The following AP3S1 variants were observed in gnomAD, a reference collection of about 807,000 sequenced individuals.
AP3S1 encodes adaptor related protein complex 3 subunit sigma 1.
In AP3S1, 12 loss-of-function variants were observed where a neutral mutation model predicts 21.3. That is an observed-to-expected ratio of 0.56 (90% CI 0.36 to 0.91). AP3S1 has a LOEUF of 0.91. AP3S1 is among the 40% of genes least tolerant of loss of function. AP3S1 has a pLI of 0.01. For missense variants in AP3S1, 116 were observed against 225.0 expected (o/e 0.52, Z 3.10); for synonymous variants, 48 against 78.4 (o/e 0.61, Z 2.05).
At chr5:115,879,805 T>C (rs888101729) in intron 3 of AP3S1, among the ~76,000 whole-genome samples, 4 of 152,176 alleles carry the variant, frequency 2.6e-5, no homozygotes, top group Non-Finnish European at 5.9e-5. Flanking sequence ...GTGCCTCTGG[T>C]AGAATTCGGC....
intron 5 of AP3S1, among the ~76,000 whole-genome samples, chr5:115,905,117 C>CA (rs530871152): frequency 2.0e-5 from 3 of 151,874 alleles, no homozygotes; most frequent in South Asian, 2.1e-4. Context: ...TGATTTTTCA[C>CA]AAAAAAAAGT....
intron 1 of AP3S1, among the ~76,000 whole-genome samples, chr5:115,857,867 G>A (rs562423846): frequency 1.3e-5 from 2 of 152,324 alleles, no homozygotes; most frequent in Admixed American, 1.3e-4. Flanking sequence ...CTTCAGCTGA[G>A]CCATGTTGTA....
Position 115,911,334 on chromosome 5 carries a change from A to AAC in AP3S1, c.454-2013_454-2012dup, listed in dbSNP as rs375213578. Among the ~76,000 whole-genome samples, 1,311 of 150,770 alleles carry AAC rather than the reference A, an allele frequency of 8.7e-3. 4 individuals are homozygous for AAC. The highest frequency in any genetic ancestry group is 0.013 in the African/African-American group (526 of 41,260). On this transcript the variant is annotated intron_variant, in intron 5 of 5. Transcript: ENST00000316788. ...TAGTGTCCAATAAAATACACAGATAAACACACACACACACACGCACAATTT... is the reference window on the plus strand; with the variant it reads ...TAGTGTCCAATAAAATACACAGATAAACACACACACACACACACGCACAATTT...
chr5:115,856,994 G>A (rs932428941), intron 1 of AP3S1, among the ~76,000 whole-genome samples: 1 of 152,054 alleles, frequency 6.6e-6, no homozygotes, highest in Admixed American at 6.5e-5. Flanking sequence ...CCAGCCGCTG[G>A]TAACCACCGC....
At chr5:115,848,592 C>A (rs918315243) in intron 1 of AP3S1, among the ~76,000 whole-genome samples, 2 of 152,150 alleles carry the variant, frequency 1.3e-5, no homozygotes, top group African/African-American at 4.8e-5. Context: ...GAAAGGAAAT[C>A]TTTGCTAATT....
chr5:115,872,558 G>A (rs1367761536), intron 3 of AP3S1, among the ~76,000 whole-genome samples: 1 of 152,068 alleles, frequency 6.6e-6, no homozygotes, highest in Non-Finnish European at 1.5e-5. Flanking sequence ...AATATTTAAA[G>A]CTCTAAGTGG....
chr5:115,904,073 A>G (rs969608622), intron 5 of AP3S1: 3 of 151,894 alleles, frequency 2.0e-5, no homozygotes, highest in African/African-American at 4.8e-5. Flanking sequence ...GTAAAACTTC[A>G]TCTCAAAAAA....
Position 115,874,767 on chromosome 5 carries a change from AT to A in AP3S1, c.273+4649del, listed in dbSNP as rs540229687. Among the ~76,000 whole-genome samples, 457 of 150,472 alleles carry A rather than the reference AT, an allele frequency of 3.0e-3. 2 individuals are homozygous for A. The highest frequency in any genetic ancestry group is 4.3e-3 in the Non-Finnish European group (290 of 67,470). On this transcript the variant is annotated intron_variant, in intron 3 of 5. Transcript: ENST00000316788. ...AGTTATTTATTCTTTATAGACCTTA[AT>A]TTTTTTTTTAACTTTACATGCTTGT...
At position 115,902,922 on chromosome 5, in the gene AP3S1, TG is replaced by T; in HGVS notation, c.385del (p.Val129TyrfsTer6). 1 of 1,613,600 alleles carries T rather than the reference TG, an allele frequency of 6.2e-7. No homozygotes were observed. Among genetic ancestry groups the T allele is most frequent in the Non-Finnish European group, 8.5e-7 (1 of 1,179,890 alleles). On this transcript the variant is annotated frameshift_variant, in exon 5 of 6. Transcript: ENST00000316788. LOFTEE classifies it high-confidence loss of function. ...CTTGCAGAAATGGTGATGGGGGGAATGGTATTGGAGACAAATATGAATGAGA... is the reference window on the plus strand; with the variant it reads ...CTTGCAGAAATGGTGATGGGGGGAATGTATTGGAGACAAATATGAATGAGA... ...NILAEMVMGG[M>X]VLETNMNEIV...
Position 115,911,519 on chromosome 5 carries a change from C to T in AP3S1, c.454-1843C>T, listed in dbSNP as rs530319120. On this transcript the variant is annotated intron_variant, in intron 5 of 5. Coordinates refer to ENST00000316788, the MANE Select transcript of AP3S1 (RefSeq NM_001284.4). ...ATTGGTCTTTTAACTAGAAAAATTA[C>T]AAAATCCTCCTATCTAAAAAATGAT... 5.3e-5 allele frequency among the ~76,000 whole-genome samples: 8 copies of T among 152,036 alleles called. No homozygotes were observed. In the South Asian group the frequency reaches 1.7e-3, roughly 31 times the overall value.
chr5:115,862,066 C>T (rs1381282202), intron 1 of AP3S1, among the ~76,000 whole-genome samples: 1 of 151,914 alleles, frequency 6.6e-6, no homozygotes, highest in Non-Finnish European at 1.5e-5. Context: ...TTCCATTGTA[C>T]AATTCCATTC....
chr5:115,901,575 G>T (rs2112567186), intron 4 of AP3S1, among the ~76,000 whole-genome samples: 1 of 149,286 alleles, frequency 6.7e-6, no homozygotes, highest in East Asian at 2.0e-4. Context: ...TTTTAATTGA[G>T]GCAGGGTCTC....
At chr5:115,911,090 G>A (rs1752066136) in intron 5 of AP3S1, among the ~76,000 whole-genome samples, 1 of 151,996 alleles carries the variant, frequency 6.6e-6, no homozygotes, top group African/African-American at 2.4e-5. Flanking sequence ...TTGCTATATT[G>A]ACTTTATGTA....
rs181925652 is a variant in AP3S1, at chr5:115,886,716, A to G, written c.274-8371A>G. Among the ~76,000 whole-genome samples, 10 of 152,296 alleles carry G rather than the reference A, an allele frequency of 6.6e-5. No individual in the cohort carries two copies. In the East Asian group the frequency reaches 1.7e-3, roughly 26 times the overall value. On this transcript the variant is annotated intron_variant, in intron 3 of 5. Coordinates refer to ENST00000316788, the MANE Select transcript of AP3S1 (RefSeq NM_001284.4). ...AGCATCCCAACCCCACTGTTGTTCA[A>G]AGATCACCTGTACCAAGTAAATGCT...
At chr5:115,897,476 A>T (rs748111675) in intron 4 of AP3S1, among the ~76,000 whole-genome samples, 1 of 152,168 alleles carries the variant, frequency 6.6e-6, no homozygotes, top group Non-Finnish European at 1.5e-5. Flanking sequence ...TTCAACTTAA[A>T]AATATAGATA....
chr5:115,888,341 C>T (rs1749978065), intron 3 of AP3S1, among the ~76,000 whole-genome samples: 1 of 151,078 alleles, frequency 6.6e-6, no homozygotes, highest in Non-Finnish European at 1.5e-5. Flanking sequence ...TAATTTTTCC[C>T]CCTTAATTTC....
chr5:115,905,985 G>A (rs1003521020), intron 5 of AP3S1, among the ~76,000 whole-genome samples: 13 of 152,074 alleles, frequency 8.5e-5, no homozygotes, highest in African/African-American at 2.4e-4. Flanking sequence ...GTGAAATCCC[G>A]TCTCTACTAA....
chr5:115,842,101 C>A lies in AP3S1; in HGVS notation c.64C>A (p.Pro22Thr). ...GKPRLSKFYQ[P>T]YSEDTQQQII... ...GCCGCGGCTCTCCAAGTTCTACCAG[C>A]CCTACGTGAGTATCCAGCCGCCGCT... The change falls in exon 1 of 6, where the codon CCC becomes ACC. Residue 22 changes from proline to threonine, a missense_variant. By Grantham distance (38) the Pro-to-Thr change is conservative. Around this residue, in one of 3 missense-constraint regions of AP3S1, gnomAD observed 50 missense variants for 55.5 expected, o/e 0.90. Transcript: ENST00000316788. 1.3e-6 allele frequency: 2 copies of A among 1,559,584 alleles called. No individual in the cohort carries two copies. Among genetic ancestry groups the A allele is most frequent in the African/African-American group, 2.8e-5 (2 of 71,786 alleles).
At chr5:115,912,289 T>C (rs993351801) in intron 5 of AP3S1, among the ~76,000 whole-genome samples, 6 of 152,042 alleles carry the variant, frequency 3.9e-5, no homozygotes, top group Admixed American at 6.5e-5. Flanking sequence ...AGATTCGTTT[T>C]TGTTGTCTAT....
Sources: allele counts gnomAD v4.1 joint callset (sites outside exome capture counted in the v4.1 genomes callset), GRCh38; gene constraint gnomAD v4.1.1; regional missense constraint gnomAD v4.1.1; transcripts MANE v1.5; gene names NCBI Gene and HGNC (gene_info 2026-07-23, HGNC 2026-07-21).